The following RSRC1 variants were observed in gnomAD, a reference collection of about 807,000 sequenced individuals.
The protein encoded by RSRC1 is arginine and serine rich coiled-coil 1.
RSRC1 carries 39 observed loss-of-function variants against 49.1 expected under a neutral mutation model. The ratio of observed to expected loss-of-function variants is 0.79; its 90% CI spans 0.61 to 1.04. The LOEUF (loss-of-function observed/expected upper bound fraction) is 1.04, where lower values mean the gene tolerates loss of function less well. Among genes scored for constraint, RSRC1 ranks in the 50% least tolerant of loss-of-function variants. The pLI is 0.00. For synonymous variants in RSRC1, 143 were observed against 130.8 expected, an observed-to-expected ratio of 1.09 and a Z score of -0.63; for missense variants, 388 against 402.4, an observed-to-expected ratio of 0.96 and a Z score of 0.31.
At chr3:158,354,153 G>T (rs1731033899) in intron 5 of RSRC1, among the ~76,000 whole-genome samples, 1 of 151,932 alleles carries the variant, frequency 6.6e-6, no homozygotes, top group African/African-American at 2.4e-5. Context: ...ACCATGCCCA[G>T]CTACTTTTTG....
intron 7 of RSRC1, among the ~76,000 whole-genome samples, chr3:158,462,374 A>G (rs1013199857): frequency 2.6e-5 from 4 of 151,946 alleles, no homozygotes; most frequent in African/African-American, 7.2e-5. Flanking sequence ...ATTCTGATCA[A>G]TGTAACTAAT....
intron 7 of RSRC1, among the ~76,000 whole-genome samples, chr3:158,464,226 A>G (rs911582997): frequency 6.6e-5 from 10 of 152,154 alleles, no homozygotes; most frequent in South Asian, 4.1e-4. Flanking sequence ...ATGCATTAGC[A>G]TAACTGCTTA....
chr3:158,434,343 A>C (rs770621886), intron 6 of RSRC1, among the ~76,000 whole-genome samples: 63 of 151,338 alleles, frequency 4.2e-4, no homozygotes, highest in Non-Finnish European at 7.5e-4. Context: ...GTGTCTTCCC[A>C]AAAAAGCCTG....
intron 5 of RSRC1, among the ~76,000 whole-genome samples, chr3:158,333,031 C>T (rs1729647623): frequency 6.6e-6 from 1 of 150,934 alleles, no homozygotes; most frequent in South Asian, 2.1e-4. Flanking sequence ...TGCAGTGGCG[C>T]TATCTTGGCT....
intron 6 of RSRC1, among the ~76,000 whole-genome samples, chr3:158,362,340 C>CA (rs1172635421): frequency 5.3e-5 from 8 of 151,434 alleles, no homozygotes; most frequent in South Asian, 2.1e-4. Flanking sequence ...GACCCTGTCT[C>CA]AAAAAAAATA....
intron 3 of RSRC1, among the ~76,000 whole-genome samples, chr3:158,187,854 A>T (rs559172621): frequency 6.6e-6 from 1 of 152,132 alleles, no homozygotes; most frequent in South Asian, 2.1e-4. Context: ...GTGTAGGCTT[A>T]TATGGATTAG....
intron 7 of RSRC1, among the ~76,000 whole-genome samples, chr3:158,509,961 C>G (rs1015153346): frequency 1.6e-4 from 24 of 152,156 alleles, no homozygotes; most frequent in African/African-American, 5.8e-4. Flanking sequence ...AGTAGAATTG[C>G]TGAGGTATAA....
chr3:158,301,652 A>G (rs1312990211), intron 5 of RSRC1, among the ~76,000 whole-genome samples: 2 of 152,174 alleles, frequency 1.3e-5, no homozygotes, highest in Non-Finnish European at 2.9e-5. Flanking sequence ...TACTTTGAGT[A>G]AAACAACCCT....
chr3:158,148,307 A>C (rs1717288353), intron 3 of RSRC1, among the ~76,000 whole-genome samples: 1 of 152,014 alleles, frequency 6.6e-6, no homozygotes, highest in South Asian at 2.1e-4. Flanking sequence ...CAATTTGATC[A>C]TTCTCCTCAT....
chr3:158,417,098 CTT>C (rs927822388), intron 6 of RSRC1, among the ~76,000 whole-genome samples: 4 of 151,976 alleles, frequency 2.6e-5, no homozygotes, highest in Non-Finnish European at 5.9e-5. Flanking sequence ...GGTCCCCACT[CTT>C]TTAGGTAGGC....
In RSRC1 at chr3:158,527,977, A is replaced by G. The variant is rs1712148677; in HGVS notation, c.653-9115A>G. On this transcript the variant is annotated intron_variant, in intron 7 of 9. Transcript: ENST00000611884. Reference sequence around the variant, plus strand: ...TTTATATTAATGTGTGTATTTTGTAATGTATGTGGTATGTGTATATATATG... The same window carrying G: ...TTTATATTAATGTGTGTATTTTGTAGTGTATGTGGTATGTGTATATATATG... Among the ~76,000 whole-genome samples, 3 of 151,900 alleles carry G rather than the reference A, an allele frequency of 2.0e-5. No individual in the cohort carries two copies. The South Asian group carries it at 6.2e-4, about 31-fold the overall frequency.
At chr3:158,351,611 G>A (rs149639489) in intron 5 of RSRC1, among the ~76,000 whole-genome samples, 52 of 151,904 alleles carry the variant, frequency 3.4e-4, no homozygotes, top group Admixed American at 1.7e-3. Context: ...TTTTTTAAAC[G>A]GAATCAAAAC....
intron 4 of RSRC1, among the ~76,000 whole-genome samples, chr3:158,262,981 A>G (rs569220396): frequency 4.6e-5 from 7 of 152,222 alleles, no homozygotes; most frequent in African/African-American, 1.7e-4. Flanking sequence ...TGTTGCCTGT[A>G]ATAAAGACAG....
At chr3:158,193,971 G>A (rs761553422) in intron 3 of RSRC1, among the ~76,000 whole-genome samples, 16 of 151,688 alleles carry the variant, frequency 1.1e-4, no homozygotes, top group Non-Finnish European at 1.8e-4. Context: ...TATAATCCCA[G>A]AACTTGGGGA....
At chr3:158,138,258 A>G (rs1456403744) in intron 3 of RSRC1, among the ~76,000 whole-genome samples, 2 of 152,216 alleles carry the variant, frequency 1.3e-5, no homozygotes, top group African/African-American at 4.8e-5. Context: ...TGATCTGTCC[A>G]TGTTCAATTT....
At chr3:158,242,206 TCCCATC>T (rs1723637035) in intron 4 of RSRC1, among the ~76,000 whole-genome samples, 1 of 151,962 alleles carries the variant, frequency 6.6e-6, no homozygotes, top group Admixed American at 6.6e-5. Flanking sequence ...TCCTGCCACC[TCCCATC>T]CTCTACCAGG....
At chr3:158,533,049 A>G (rs1560078241) in intron 7 of RSRC1, among the ~76,000 whole-genome samples, 1 of 151,792 alleles carries the variant, frequency 6.6e-6, no homozygotes, top group Non-Finnish European at 1.5e-5. Context: ...TATTATTGAT[A>G]TGTTTTATTC....
intron 4 of RSRC1, among the ~76,000 whole-genome samples, chr3:158,214,410 A>G (rs961031401): frequency 1.2e-4 from 18 of 151,564 alleles, no homozygotes; most frequent in Admixed American, 3.3e-4. Flanking sequence ...TCTTTTGTCA[A>G]TGTTTTTCTT....
At chr3:158,286,394 A>C (rs1398962243) in intron 4 of RSRC1, among the ~76,000 whole-genome samples, 2 of 152,314 alleles carry the variant, frequency 1.3e-5, no homozygotes, top group South Asian at 2.1e-4. Flanking sequence ...CTTTATGATA[A>C]AATCATAAGT....
Sources: allele counts gnomAD v4.1 joint callset (sites outside exome capture counted in the v4.1 genomes callset), GRCh38; gene constraint gnomAD v4.1.1; transcripts MANE v1.5; gene names NCBI Gene and HGNC (gene_info 2026-07-23, HGNC 2026-07-21).